Variants in SMAD9 observed in about 807,000 individuals in gnomAD.
SMAD9 encodes SMAD family member 9.
A neutral mutation model predicts 46.1 loss-of-function variants in SMAD9; 36 were observed. The ratio of observed to expected loss-of-function variants is 0.78; its 90% CI spans 0.60 to 1.03. SMAD9 has a LOEUF of 1.03. Among genes scored for constraint, SMAD9 ranks in the 50% least tolerant of loss-of-function variants. The pLI is 0.00. For missense variants in SMAD9, 572 were observed against 599.8 expected (o/e 0.95, Z 0.48); for synonymous variants, 245 against 237.1 (o/e 1.03, Z -0.31).
At chr13:36,886,372 G>A (rs1362090195) in intron 1 of SMAD9, among the ~76,000 whole-genome samples, 4 of 152,266 alleles carry the variant, frequency 2.6e-5, no homozygotes, top group Non-Finnish European at 5.9e-5. Flanking sequence ...AATGCAGGAG[G>A]ATGGGAGATG....
rs750593319 is a variant in SMAD9, at chr13:36,867,391, A to C, written c.671-8T>G. Reference sequence around the variant, plus strand: ...GCAGGGGTGGTGTGTCAACTAAAAGAAAGCAGTAGAACAAAGGAATTGTCA... The same window carrying C: ...GCAGGGGTGGTGTGTCAACTAAAAGCAAGCAGTAGAACAAAGGAATTGTCA... On this transcript the variant is annotated splice_region_variant and splice_polypyrimidine_tract_variant and intron_variant, in intron 3 of 6. Coordinates refer to ENST00000379826, the MANE Select transcript of SMAD9 (RefSeq NM_001127217.3). 3 of 1,517,594 alleles carry C rather than the reference A, an allele frequency of 2.0e-6. No individual in the cohort carries two copies. The highest frequency in any genetic ancestry group is 1.8e-6 in the Non-Finnish European group (2 of 1,119,886). The allele number at this position is 1,517,594 out of a possible 1,614,324, so 94.0% of individuals were successfully genotyped here.
chr13:36,872,637 C>T, intron 3 of SMAD9, 21 bp downstream of exon 3: 15 of 1,613,720 alleles, frequency 9.3e-6, no homozygotes, highest in Non-Finnish European at 1.2e-5. Context: ...TATTTCCCCA[C>T]AGACCATAGT....
At chr13:36,878,796 C>G (rs1340872298) in intron 2 of SMAD9, among the ~76,000 whole-genome samples, 11 of 151,758 alleles carry the variant, frequency 7.2e-5, no homozygotes, top group African/African-American at 9.7e-5. Flanking sequence ...CATTTTAAAA[C>G]CTTTCAGGAC....
rs1239964522 is a variant in SMAD9, at chr13:36,867,398, T to G, written c.671-15A>C. Reference sequence around the variant, plus strand: ...TGGTGTGTCAACTAAAAGAAAGCAGTAGAACAAAGGAATTGTCAAATCGAT... The same window carrying G: ...TGGTGTGTCAACTAAAAGAAAGCAGGAGAACAAAGGAATTGTCAAATCGAT... On this transcript the variant is annotated splice_polypyrimidine_tract_variant and intron_variant, in intron 3 of 6. Coordinates refer to ENST00000379826, the MANE Select transcript of SMAD9 (RefSeq NM_001127217.3). The G allele has an allele frequency of 2.0e-6, 3 of 1,491,210 alleles. No homozygotes were observed. The allele number at this position is 1,491,210 out of a possible 1,614,324, so 92.4% of individuals were successfully genotyped here.
At chr13:36,899,629 T>G (rs2058557353) in intron 1 of SMAD9, among the ~76,000 whole-genome samples, 1 of 152,034 alleles carries the variant, frequency 6.6e-6, no homozygotes, top group African/African-American at 2.4e-5. Flanking sequence ...GTGAGCTGGA[T>G]AGAGAGTTGG....
At chr13:36,900,210 A>G (rs1206630634) in intron 1 of SMAD9, among the ~76,000 whole-genome samples, 2 of 152,212 alleles carry the variant, frequency 1.3e-5, no homozygotes, top group Non-Finnish European at 2.9e-5. Context: ...TAGTATACAC[A>G]TGGCTGCTGC....
intron 2 of SMAD9, among the ~76,000 whole-genome samples, chr13:36,874,494 A>AG (rs2058326282): frequency 6.6e-6 from 1 of 152,186 alleles, no homozygotes; most frequent in South Asian, 2.1e-4. Context: ...ATAACCAAAA[A>AG]CAAATACAAA....
At chr13:36,879,950 G>A (rs1170218650) in intron 1 of SMAD9, 75 bp from the exon 2 acceptor site, 12 of 460,060 alleles carry the variant, frequency 2.6e-5, no homozygotes, top group Non-Finnish European at 3.9e-5. Flanking sequence ...GATAGAAAGA[G>A]GCAATCTACA....
At chr13:36,857,955 T>A (rs2058142489) in intron 5 of SMAD9, among the ~76,000 whole-genome samples, 1 of 152,134 alleles carries the variant, frequency 6.6e-6, no homozygotes, top group Non-Finnish European at 1.5e-5. Context: ...ATATATATAT[T>A]TCTGAGTGTA....
At position 36,879,630 on chromosome 13, in the gene SMAD9, T is replaced by C; in HGVS notation, c.60A>G (p.Arg20=). 2 of 1,614,142 alleles carry C rather than the reference T, an allele frequency of 1.2e-6. No individual in the cohort carries two copies. The highest frequency in any genetic ancestry group is 1.1e-5 in the South Asian group (1 of 91,082). ...CATCTCCTTGCTTCCAGCCTAGCAG[T>C]CTCTTCACTGCGGGGCTGGTGAAGG... ...LFSFTSPAVK[R]LLGWKQGDEE... is the part of the protein sequence containing the mutation. The change falls in exon 2 of 7, where the codon AGA becomes AGG. Residue 20 remains arginine (R), a synonymous_variant. Transcript: ENST00000379826.
chr13:36,897,034 C>T (rs1014065452), intron 1 of SMAD9, among the ~76,000 whole-genome samples: 2 of 150,776 alleles, frequency 1.3e-5, no homozygotes, highest in South Asian at 4.2e-4. Flanking sequence ...TGGTTTTCAA[C>T]AGCTTCAAAG....
intron 1 of SMAD9, among the ~76,000 whole-genome samples, chr13:36,890,386 A>G (rs2058480154): frequency 1.3e-5 from 2 of 152,238 alleles, no homozygotes; most frequent in African/African-American, 4.8e-5. Context: ...TTTGCCCATC[A>G]AAACACCAAG....
rs189597358 is a variant in SMAD9 at position 36,879,259 on chromosome 13, C to T, written c.412+19G>A. ...CCTTCACTCTGAAAATAAACCTTGACGTCGTAAAGACGACCCACCTGGAGT... is the reference window on the plus strand; with the variant it reads ...CCTTCACTCTGAAAATAAACCTTGATGTCGTAAAGACGACCCACCTGGAGT... On this transcript the variant is annotated intron_variant, in intron 2 of 6. Coordinates refer to ENST00000379826, the MANE Select transcript of SMAD9 (RefSeq NM_001127217.3). 27 of 1,610,466 alleles carry T rather than the reference C, an allele frequency of 1.7e-5. No individual in the cohort carries two copies. Among genetic ancestry groups the T allele is most frequent in the Middle Eastern group, 3.3e-4 (2 of 6,056 alleles).
At chr13:36,878,489 G>A (rs1017343991) in intron 2 of SMAD9, among the ~76,000 whole-genome samples, 4 of 152,058 alleles carry the variant, frequency 2.6e-5, no homozygotes, top group African/African-American at 4.8e-5. Context: ...TACACTCCAG[G>A]GTGTTCACAC....
At chr13:36,907,146 T>C (rs2058626010) in intron 1 of SMAD9, among the ~76,000 whole-genome samples, 1 of 152,018 alleles carries the variant, frequency 6.6e-6, no homozygotes, top group Admixed American at 6.6e-5. Context: ...GAAGGACAAA[T>C]GATGCATGAT....
Position 36,865,753 on chromosome 13 carries a change from G to T in SMAD9, c.787C>A (p.Arg263=). Reference sequence around the variant, plus strand: ...TGGGGCTCCTCGTAACAAACTGGTCGAAAGTCTGGAAGAAAACAAACCAGA... The same window carrying T: ...TGGGGCTCCTCGTAACAAACTGGTCTAAAGTCTGGAAGAAAACAAACCAGA... ...VVLSIPNGDF[R]PVCYEEPQHW... The change falls in exon 5 of 7, where the codon CGA becomes AGA. Residue 263 remains arginine, a synonymous_variant. Coordinates refer to ENST00000379826, the MANE Select transcript of SMAD9 (RefSeq NM_001127217.3). 6.2e-7 allele frequency: 1 copy of T among 1,613,426 alleles called. No homozygotes were observed. Among genetic ancestry groups the T allele is most frequent in the South Asian group, 1.1e-5 (1 of 90,992 alleles).
chr13:36,887,434 G>C (rs2058456156), intron 1 of SMAD9, among the ~76,000 whole-genome samples: 1 of 151,818 alleles, frequency 6.6e-6, no homozygotes, highest in Non-Finnish European at 1.5e-5. Context: ...AGTTAGCTAG[G>C]CTGGTCTCGA....
At chr13:36,911,276 C>A (rs2058658778) in intron 1 of SMAD9, among the ~76,000 whole-genome samples, 1 of 152,132 alleles carries the variant, frequency 6.6e-6, no homozygotes, top group Non-Finnish European at 1.5e-5. Context: ...TCCCAAAGTG[C>A]TGGGATTACA....
At chr13:36,858,661 C>G (rs1376577618) in intron 5 of SMAD9, among the ~76,000 whole-genome samples, 1 of 152,098 alleles carries the variant, frequency 6.6e-6, no homozygotes, top group African/African-American at 2.4e-5. Flanking sequence ...CACACCATGC[C>G]CACCCCATCC....
Sources: gnomAD v4.1 joint callset for allele counts (sites outside exome capture counted in the v4.1 genomes callset) on GRCh38, gnomAD v4.1.1 for gene constraint, MANE v1.5 for transcripts, NCBI Gene and HGNC (gene_info 2026-07-23, HGNC 2026-07-21) for gene names.